The following KCND2 variants were observed in gnomAD, a reference collection of about 807,000 sequenced individuals.
The protein encoded by KCND2 is potassium voltage-gated channel subfamily D member 2.
A neutral mutation model predicts 54.4 loss-of-function variants in KCND2; 16 were observed. That is an observed-to-expected ratio of 0.29 (90% CI 0.20 to 0.45). The LOEUF (loss-of-function observed/expected upper bound fraction) is 0.45. Ranked by LOEUF, KCND2 falls within the 20% of genes least tolerant of loss-of-function variation. The probability of loss-of-function intolerance (pLI) is 1.00; values close to 1 mark genes in which losing one functional copy is unlikely to be tolerated. For synonymous variants in KCND2, 317 were observed against 310.7 expected (o/e 1.02, Z -0.21); for missense variants, 486 against 824.2 (o/e 0.59, Z 5.02).
intron 1 of KCND2, among the ~76,000 whole-genome samples, chr7:120,617,867 C>T (rs957147868): frequency 1.3e-5 from 2 of 152,258 alleles, no homozygotes; most frequent in East Asian, 3.9e-4. Context: ...TTTGCAGCAA[C>T]GTGGATGCAG....
intron 1 of KCND2, among the ~76,000 whole-genome samples, chr7:120,306,668 T>G (rs537398056): frequency 2.0e-5 from 3 of 152,218 alleles, no homozygotes; most frequent in South Asian, 2.1e-4. Context: ...ACTTTCTCTA[T>G]GAAACTCCAT....
intron 1 of KCND2, among the ~76,000 whole-genome samples, chr7:120,278,531 A>G (rs1389903359): frequency 6.6e-6 from 1 of 151,064 alleles, no homozygotes; most frequent in African/African-American, 2.4e-5. Context: ...AACGTTATCT[A>G]CATGAGAATA....
chr7:120,326,997 G>T (rs1799987746), intron 1 of KCND2, among the ~76,000 whole-genome samples: 1 of 151,956 alleles, frequency 6.6e-6, no homozygotes, highest in Non-Finnish European at 1.5e-5. Flanking sequence ...ATTTACAATT[G>T]TTAAGTGATG....
intron 1 of KCND2, among the ~76,000 whole-genome samples, chr7:120,503,140 A>T (rs1431546697): frequency 6.6e-6 from 1 of 152,040 alleles, no homozygotes. Context: ...GCCTTTTAGT[A>T]GTTCTTTTGC....
At chr7:120,324,639 GT>G (rs1276017544) in intron 1 of KCND2, among the ~76,000 whole-genome samples, 2 of 150,284 alleles carry the variant, frequency 1.3e-5, no homozygotes, top group African/African-American at 4.8e-5. Context: ...TGAGGGCTCT[GT>G]TCTGTTCCAT....
chr7:120,675,875 T>G (rs979785690), intron 1 of KCND2, among the ~76,000 whole-genome samples: 32 of 117,362 alleles, frequency 2.7e-4, no homozygotes, highest in African/African-American at 1.0e-3. Context: ...TTTTTTTTTT[T>G]GAGACAGAGT....
chr7:120,627,080 A>G (rs959687217), intron 1 of KCND2, among the ~76,000 whole-genome samples: 1 of 152,192 alleles, frequency 6.6e-6, no homozygotes, highest in South Asian at 2.1e-4. Flanking sequence ...TTGTATTTCA[A>G]TGTTACTTCA....
chr7:120,706,515 T>C (rs1792470751), intron 1 of KCND2, among the ~76,000 whole-genome samples: 3 of 152,308 alleles, frequency 2.0e-5, no homozygotes, highest in Middle Eastern at 3.4e-3. Flanking sequence ...ATGCAGCCTC[T>C]TTTATAAGGA....
chr7:120,714,939 T>G (rs1424428262), intron 1 of KCND2, among the ~76,000 whole-genome samples: 2 of 152,088 alleles, frequency 1.3e-5, no homozygotes, highest in African/African-American at 4.8e-5. Context: ...GTTGAAATAC[T>G]AAATATACTG....
intron 1 of KCND2, among the ~76,000 whole-genome samples, chr7:120,539,410 A>G (rs1791952156): frequency 6.6e-6 from 1 of 152,164 alleles, no homozygotes; most frequent in Admixed American, 6.5e-5. Flanking sequence ...AAGGATATCA[A>G]TGTCTGCAAT....
intron 1 of KCND2, among the ~76,000 whole-genome samples, chr7:120,428,187 G>T (rs962640191): frequency 1.3e-5 from 2 of 152,078 alleles, no homozygotes; most frequent in African/African-American, 4.8e-5. Context: ...TGCTATAATT[G>T]TGATTCCAAA....
At chr7:120,691,037 G>A (rs190016514) in intron 1 of KCND2, among the ~76,000 whole-genome samples, 402 of 151,808 alleles carry the variant, frequency 2.6e-3, no homozygotes, top group South Asian at 0.011. Flanking sequence ...AGAAGTCCAC[G>A]CAAGTGCAAA....
At chr7:120,486,485 T>C (rs1249571288) in intron 1 of KCND2, among the ~76,000 whole-genome samples, 1 of 152,108 alleles carries the variant, frequency 6.6e-6, no homozygotes, top group Non-Finnish European at 1.5e-5. Context: ...TAGGGGTTAG[T>C]TAGCCAGCCA....
intron 1 of KCND2, among the ~76,000 whole-genome samples, chr7:120,511,792 A>C (rs1803119903): frequency 1.3e-5 from 2 of 152,246 alleles, no homozygotes; most frequent in South Asian, 2.1e-4. Context: ...AGAAGATACT[A>C]ATTTAGAGTT....
chr7:120,733,404 T>C lies in KCND2; in HGVS notation c.1278+339T>C, dbSNP rs575205796. 2.0e-5 allele frequency among the ~76,000 whole-genome samples: 3 copies of C among 152,284 alleles called. No homozygotes were observed. In the South Asian group the frequency reaches 6.2e-4, roughly 32 times the overall value. On this transcript the variant is annotated intron_variant, in intron 2 of 5. Coordinates refer to ENST00000331113, the MANE Select transcript of KCND2 (RefSeq NM_012281.3). ...CTGGAAGTGGTTTGAGTCACTTTCTTGTCTATTGCATTAACCAAAGCAAAT... is the reference window on the plus strand; with the variant it reads ...CTGGAAGTGGTTTGAGTCACTTTCTCGTCTATTGCATTAACCAAAGCAAAT...
intron 1 of KCND2, among the ~76,000 whole-genome samples, chr7:120,715,591 A>G (rs1472552149): frequency 6.6e-6 from 1 of 152,114 alleles, no homozygotes; most frequent in African/African-American, 2.4e-5. Context: ...AATTACTGTT[A>G]CTGCAAAATT....
At chr7:120,447,083 A>G (rs1283111801) in intron 1 of KCND2, among the ~76,000 whole-genome samples, 1 of 152,276 alleles carries the variant, frequency 6.6e-6, no homozygotes, top group East Asian at 1.9e-4. Context: ...TAAAAGCCCA[A>G]TAAGTTAAAT....
intron 1 of KCND2, among the ~76,000 whole-genome samples, chr7:120,371,971 A>T (rs1800771935): frequency 1.3e-5 from 2 of 151,838 alleles, no homozygotes; most frequent in South Asian, 4.1e-4. Context: ...CCTTTTCTTT[A>T]TCTCTTCATG....
chr7:120,743,703 A>T (rs546100073), intron 4 of KCND2, among the ~76,000 whole-genome samples: 1 of 152,308 alleles, frequency 6.6e-6, no homozygotes, highest in East Asian at 1.9e-4. Context: ...GAAGGAAAGA[A>T]CTCAGCCTAG....
Sources: allele counts gnomAD v4.1 joint callset (sites outside exome capture counted in the v4.1 genomes callset), GRCh38; gene constraint gnomAD v4.1.1; transcripts MANE v1.5; gene names NCBI Gene and HGNC (gene_info 2026-07-23, HGNC 2026-07-21).